Variants in TBC1D22B observed in about 807,000 individuals in gnomAD.
The protein encoded by TBC1D22B is TBC1 domain family member 22B, also known as chromosome 6 open reading frame 197.
Under a neutral mutation model 69.1 loss-of-function variants are expected in TBC1D22B, and 32 were observed. The observed-to-expected ratio is 0.46, with a 90% CI of 0.35 to 0.62. TBC1D22B has a LOEUF of 0.62. Ranked by LOEUF, TBC1D22B falls within the 20% of genes least tolerant of loss-of-function variation. The probability of loss-of-function intolerance (pLI) is 0.00; values close to 1 mark genes in which losing one functional copy is unlikely to be tolerated. For synonymous variants in TBC1D22B, 206 were observed against 229.8 expected (o/e 0.90, Z 0.94); for missense variants, 462 against 630.9 (o/e 0.73, Z 2.87).
At chr6:37,325,697 A>G (rs1768374557) in intron 12 of TBC1D22B, among the ~76,000 whole-genome samples, 1 of 151,892 alleles carries the variant, frequency 6.6e-6, no homozygotes, top group South Asian at 2.1e-4. Flanking sequence ...CTACAGGGGC[A>G]CGCCATGACG....
rs540019229 is a variant in TBC1D22B at position 37,282,082 on chromosome 6, C to T, written c.422-103C>T. ...CTCAGACAGTGCACACAGGCAGCCACACCCTTGGGGAGGAAACACAATGCT... is the reference window on the plus strand; with the variant it reads ...CTCAGACAGTGCACACAGGCAGCCATACCCTTGGGGAGGAAACACAATGCT... On this transcript the variant is annotated intron_variant, in intron 3 of 12. Transcript: ENST00000373491. The T allele has an allele frequency of 1.4e-4, 191 of 1,361,978 alleles. 1 individual carries two copies. The highest frequency in any genetic ancestry group is 1.1e-3 in the South Asian group (92 of 81,252). The allele number at this position is 1,361,978 out of a possible 1,614,324, so 84.4% of individuals were successfully genotyped here.
chr6:37,306,905 C>T (rs936441293), intron 8 of TBC1D22B, among the ~76,000 whole-genome samples: 1 of 152,146 alleles, frequency 6.6e-6, no homozygotes, highest in African/African-American at 2.4e-5. Flanking sequence ...TGAAACAGAA[C>T]CACCTCCCAG....
chr6:37,263,766 A>G (rs1748988052), intron 1 of TBC1D22B, among the ~76,000 whole-genome samples: 1 of 152,056 alleles, frequency 6.6e-6, no homozygotes, highest in Non-Finnish European at 1.5e-5. Context: ...TTGTATTTTC[A>G]GTAGAGATGG....
chr6:37,258,077 G>T, intron 1 of TBC1D22B, 104 bp downstream of exon 1: 1 of 1,331,674 alleles, frequency 7.5e-7, no homozygotes, highest in East Asian at 2.7e-5. Context: ...CAGAAGACTG[G>T]TTTGGGGAAG....
intron 7 of TBC1D22B, among the ~76,000 whole-genome samples, chr6:37,288,814 C>T (rs1163077923): frequency 6.6e-6 from 1 of 151,282 alleles, no homozygotes; most frequent in African/African-American, 2.4e-5. Context: ...AATATGGGAA[C>T]TCAAACTTTA....
At chr6:37,263,461 G>A (rs939242472) in intron 1 of TBC1D22B, among the ~76,000 whole-genome samples, 1 of 152,214 alleles carries the variant, frequency 6.6e-6, no homozygotes, top group African/African-American at 2.4e-5. Context: ...ATATGTAGAG[G>A]AATAAAAACA....
intron 1 of TBC1D22B, among the ~76,000 whole-genome samples, chr6:37,261,177 A>G (rs1277691212): frequency 6.6e-6 from 1 of 152,102 alleles, no homozygotes; most frequent in African/African-American, 2.4e-5. Flanking sequence ...GTGGCCTGTA[A>G]TCCCAGAATT....
chr6:37,279,421 A>G lies in TBC1D22B; in HGVS notation c.231A>G (p.Glu77=), dbSNP rs1320933094. 2 of 1,614,218 alleles carry G rather than the reference A, an allele frequency of 1.2e-6. No homozygotes were observed. The highest frequency in any genetic ancestry group is 2.2e-5 in the South Asian group (2 of 91,086). ...CTTGGGACATTGGCGATGATGAGGA[A>G]GAGGACTTTTCCTCACCTTCTTTCC... ...SDAWDIGDDE[E]EDFSSPSFQT... Residue 77 remains glutamate, a synonymous_variant, in exon 3 of 13, where the codon GAA becomes GAG. Coordinates refer to ENST00000373491, the MANE Select transcript of TBC1D22B (RefSeq NM_017772.4).
chr6:37,277,840 G>A (rs1195868755), intron 2 of TBC1D22B, among the ~76,000 whole-genome samples: 1 of 151,986 alleles, frequency 6.6e-6, no homozygotes, highest in African/African-American at 2.4e-5. Context: ...TTATAAATAA[G>A]AAGAACTTCT....
chr6:37,274,353 TC>T (rs1222129918), intron 2 of TBC1D22B, among the ~76,000 whole-genome samples: 4 of 152,232 alleles, frequency 2.6e-5, no homozygotes, highest in African/African-American at 9.6e-5. Context: ...GAATGCTTGA[TC>T]TTTTGTACTC....
intron 2 of TBC1D22B, among the ~76,000 whole-genome samples, chr6:37,278,235 C>T (rs1562045316): frequency 6.6e-6 from 1 of 152,076 alleles, no homozygotes; most frequent in South Asian, 2.1e-4. Context: ...CTGAGGCTGC[C>T]GTCACTTTGG....
intron 8 of TBC1D22B, among the ~76,000 whole-genome samples, chr6:37,303,133 C>T (rs1428547275): frequency 6.6e-6 from 1 of 152,170 alleles, no homozygotes. Context: ...ATCTCGTGGG[C>T]ACACCTAGCA....
intron 1 of TBC1D22B, among the ~76,000 whole-genome samples, chr6:37,268,555 C>T (rs1368274253): frequency 1.3e-5 from 2 of 152,044 alleles, no homozygotes; most frequent in African/African-American, 4.8e-5. Flanking sequence ...GATACATGAC[C>T]GAAAAGCACA....
chr6:37,288,981 C>T (rs2144408), intron 7 of TBC1D22B, among the ~76,000 whole-genome samples: 136,348 of 152,030 alleles, frequency 0.9, 61,180 homozygotes, highest in Middle Eastern at 0.95. Flanking sequence ...CTCTACTCCC[C>T]GGGCTCAAGC....
At chr6:37,291,409 C>A in intron 8 of TBC1D22B, 52 bp downstream of exon 8, 2 of 1,307,290 alleles carry the variant, frequency 1.5e-6, no homozygotes, top group South Asian at 1.4e-5. Context: ...TCTTATCTGC[C>A]GTCTGTCTGT....
At chr6:37,277,722 C>T (rs1766710287) in intron 2 of TBC1D22B, among the ~76,000 whole-genome samples, 1 of 152,062 alleles carries the variant, frequency 6.6e-6, no homozygotes, top group African/African-American at 2.4e-5. Flanking sequence ...TCTGCCTCCA[C>T]CTCCCAAAGT....
intron 3 of TBC1D22B, among the ~76,000 whole-genome samples, chr6:37,280,334 G>A (rs1009601269): frequency 6.6e-5 from 10 of 152,282 alleles, no homozygotes; most frequent in Admixed American, 1.3e-4. Context: ...CTTTGTCATC[G>A]CAGTGAGAGT....
chr6:37,316,679 C>T (rs1202611480), intron 10 of TBC1D22B, 24 bp from the exon 11 acceptor site: 2 of 1,613,956 alleles, frequency 1.2e-6, no homozygotes, highest in Non-Finnish European at 1.7e-6. Context: ...CTAGGTTGAT[C>T]CCCAATGATG....
intron 1 of TBC1D22B, among the ~76,000 whole-genome samples, chr6:37,263,403 A>G (rs1375852707): frequency 6.6e-6 from 1 of 152,250 alleles, no homozygotes; most frequent in East Asian, 1.9e-4. Flanking sequence ...TTTTATGTGA[A>G]GTTTAAAAAC....
Sources: allele counts gnomAD v4.1 joint callset (sites outside exome capture counted in the v4.1 genomes callset), GRCh38; gene constraint gnomAD v4.1.1; transcripts MANE v1.5; gene names NCBI Gene and HGNC (gene_info 2026-07-23, HGNC 2026-07-21).